The following POLA2 variants were observed in gnomAD, a reference collection of about 807,000 sequenced individuals.
The protein encoded by POLA2 is DNA polymerase alpha 2, accessory subunit.
A neutral mutation model predicts 82.8 loss-of-function variants in POLA2; 47 were observed. That is an observed-to-expected ratio of 0.57 (90% CI 0.45 to 0.72). The LOEUF (loss-of-function observed/expected upper bound fraction) is 0.72. POLA2 is among the 30% of genes least tolerant of loss of function. POLA2 has a pLI of 0.00. For synonymous variants in POLA2, 287 were observed against 286.8 expected, an observed-to-expected ratio of 1.00 and a Z score of -0.01; for missense variants, 634 against 728.1, an observed-to-expected ratio of 0.87 and a Z score of 1.49.
chr11:65,294,086 G>A (rs1949783460), intron 13 of POLA2, 67 bp from the exon 14 acceptor site: 1 of 1,360,866 alleles, frequency 7.3e-7, no homozygotes, highest in African/African-American at 1.5e-5. Context: ...CCCACCTGTT[G>A]CGCAGCTGTT....
intron 10 of POLA2, among the ~76,000 whole-genome samples, chr11:65,286,628 G>A (rs907407654): frequency 7.9e-5 from 12 of 152,204 alleles, no homozygotes; most frequent in African/African-American, 2.9e-4. Flanking sequence ...GAGCTCAAGG[G>A]ATCCTCCCGC....
intron 15 of POLA2, 94 bp from the exon 16 acceptor site, chr11:65,295,446 C>A: frequency 8.9e-7 from 1 of 1,129,900 alleles, no homozygotes; most frequent in Non-Finnish European, 1.3e-6. Flanking sequence ...TGGCCATTTA[C>A]CTTCTCTCTG....
chr11:65,266,773 T>C (rs1353376699), intron 2 of POLA2, 67 bp downstream of exon 2: 28 of 1,557,032 alleles, frequency 1.8e-5, no homozygotes, highest in Non-Finnish European at 2.5e-5. Context: ...GGAGGCATTG[T>C]GATATATTGA....
At chr11:65,283,365 CAT>C (rs1376704928) in intron 10 of POLA2, among the ~76,000 whole-genome samples, 1 of 152,144 alleles carries the variant, frequency 6.6e-6, no homozygotes, top group African/African-American at 2.4e-5. Flanking sequence ...GGTTACCTAA[CAT>C]GTTAAGATTA....
intron 1 of POLA2, among the ~76,000 whole-genome samples, chr11:65,264,977 T>C (rs995644139): frequency 2.6e-5 from 4 of 152,180 alleles, no homozygotes; most frequent in African/African-American, 4.8e-5. Context: ...ACGCCTGTAA[T>C]CCGAGCACTT....
chr11:65,305,792 T>G (rs1191340798), downstream of POLA2, among the ~76,000 whole-genome samples: 1 of 152,188 alleles, frequency 6.6e-6, no homozygotes, highest in Admixed American at 6.5e-5. Flanking sequence ...GAAAGGGCTT[T>G]TGTACAGATG....
At chr11:65,263,027 AAGG>A (rs1024279983) in intron 1 of POLA2, among the ~76,000 whole-genome samples, 1 of 150,236 alleles carries the variant, frequency 6.7e-6, no homozygotes, top group Non-Finnish European at 1.5e-5. Context: ...AGAGCAGTGT[AAGG>A]AGTCATTTGA....
At chr11:65,301,423 T>C (rs1361747863), downstream of POLA2, among the ~76,000 whole-genome samples, 11 of 151,282 alleles carry the variant, frequency 7.3e-5, no homozygotes, top group Admixed American at 7.3e-4. Flanking sequence ...AAAGGGGTGG[T>C]TTGAGGGGAG....
intron 1 of POLA2, among the ~76,000 whole-genome samples, chr11:65,263,220 C>CTTTTT (rs547474910): frequency 4.1e-5 from 5 of 123,200 alleles, no homozygotes; most frequent in African/African-American, 9.7e-5. Context: ...CTCTCTCTCT[C>CTTTTT]TTTTTTTTTT....
At chr11:65,268,320 C>T (rs528989479) in intron 3 of POLA2, among the ~76,000 whole-genome samples, 2 of 151,492 alleles carry the variant, frequency 1.3e-5, no homozygotes, top group Non-Finnish European at 2.9e-5. Context: ...TAGCAATCAG[C>T]CCTTGCCTTA....
rs8638 is a variant in POLA2 at position 65,297,447 on chromosome 11, C to G, written c.*178C>G. ...AGGACTTGTGCAGCCGGGCCTGCCT[C>G]TGAGTGGTGCCTCTCCTGGAAGGAA... On this transcript the variant is annotated 3_prime_UTR_variant, in exon 18 of 18. Transcript: ENST00000265465. 0.16 allele frequency: 97,074 copies of G among 589,344 alleles called. 10,245 individuals carry two copies. Among genetic ancestry groups the G allele is most frequent in the African/African-American group, 0.43 (22,294 of 51,826 alleles). 36.5% of individuals were successfully genotyped at this position (589,344 alleles called of 1,614,324 possible).
At chr11:65,285,887 T>C (rs1949692337) in intron 10 of POLA2, among the ~76,000 whole-genome samples, 1 of 152,194 alleles carries the variant, frequency 6.6e-6, no homozygotes, top group South Asian at 2.1e-4. Context: ...CTTTGTCCCC[T>C]ACCCCACCAC....
Position 65,289,863 on chromosome 11 carries a change from G to A in POLA2, c.1235G>A (p.Gly412Asp). ...CAGTGTCTACGAACAATTATTGAAGGCACAAGAAGGTCAGATTTCAAAATA... is the reference window on the plus strand; with the variant it reads ...CAGTGTCTACGAACAATTATTGAAGACACAAGAAGGTCAGATTTCAAAATA... ...FKQCLRTIIE[G>D]TRSSGSHLVF... Residue 412 changes from glycine (G) to aspartate (D), a missense_variant, in exon 13 of 18, where the codon GGC (glycine) becomes GAC (aspartate). Coordinates refer to ENST00000265465, the MANE Select transcript of POLA2 (RefSeq NM_002689.4). 1 of 1,599,028 alleles carries A rather than the reference G, an allele frequency of 6.3e-7. No individual in the cohort carries two copies. The highest frequency in any genetic ancestry group is 8.6e-7 in the Non-Finnish European group (1 of 1,166,336).
chr11:65,288,521 T>TG (rs1241127465), intron 11 of POLA2, among the ~76,000 whole-genome samples: 3 of 148,522 alleles, frequency 2.0e-5, no homozygotes, highest in Non-Finnish European at 1.5e-5. Flanking sequence ...TGTTTTTTTT[T>TG]TTTTTTTTGG....
Position 65,295,937 on chromosome 11 carries a change from C to T in POLA2, c.1594C>T (p.Pro532Ser), listed in dbSNP as rs528616418. ...GTCGTTCTATGTTTACGCACAGCTG[C>T]CTGTCACCCCAGATGTCCTCATCAT... ...YESFYVYAQL[P>S]VTPDVLIIPS... Residue 532 changes from proline to serine, a missense_variant, in exon 17 of 18, where the codon CCT becomes TCT. Coordinates refer to ENST00000265465, the MANE Select transcript of POLA2 (RefSeq NM_002689.4). 1.2e-6 allele frequency: 2 copies of T among 1,614,114 alleles called. No individual in the cohort carries two copies. The highest frequency in any genetic ancestry group is 1.1e-5 in the South Asian group (1 of 91,074).
At position 65,268,706 on chromosome 11, in the gene POLA2, A is replaced by T; in HGVS notation, c.331A>T (p.Asn111Tyr). ...EVEEEEEILL[N>Y]SYTTPSKGSQ... ...GGAAGAAGAAGAGGAAATCCTCTTG[A>T]ACTCTTACACCACACCTTCAAAGGT... The change falls in exon 4 of 18, where the codon AAC becomes TAC. Residue 111 changes from asparagine (N) to tyrosine (Y), a missense_variant. Asn to Tyr is a moderately radical substitution (Grantham distance 143, BLOSUM62 -2). Coordinates refer to ENST00000265465, the MANE Select transcript of POLA2 (RefSeq NM_002689.4). 6.3e-7 allele frequency: 1 copy of T among 1,596,596 alleles called. No individual in the cohort carries two copies. The highest frequency in any genetic ancestry group is 8.5e-7 in the Non-Finnish European group (1 of 1,172,412).
At chr11:65,270,710 C>T (rs950304172) in intron 4 of POLA2, among the ~76,000 whole-genome samples, 1 of 152,146 alleles carries the variant, frequency 6.6e-6, no homozygotes, top group Admixed American at 6.6e-5. Flanking sequence ...CCACTGCTAC[C>T]ACCAGGTCCA....
chr11:65,300,801 C>T (rs187709104), downstream of POLA2, among the ~76,000 whole-genome samples: 14 of 152,204 alleles, frequency 9.2e-5, no homozygotes, highest in East Asian at 1.9e-4. Flanking sequence ...AGGCTGGTCT[C>T]GAACCACTGA....
chr11:65,266,414 C>A (rs1054192545), intron 1 of POLA2, 168 bp from the exon 2 acceptor site: 1 of 641,408 alleles, frequency 1.6e-6, no homozygotes, highest in Non-Finnish European at 2.7e-6. Flanking sequence ...CAGTGGTGAG[C>A]TTTGTAAGGA....
Sources: allele counts gnomAD v4.1 joint callset (sites outside exome capture counted in the v4.1 genomes callset), GRCh38; gene constraint gnomAD v4.1.1; transcripts MANE v1.5; gene names NCBI Gene and HGNC (gene_info 2026-07-23, HGNC 2026-07-21).